Variants in CCDC34 observed in about 807,000 individuals in gnomAD.
CCDC34 encodes the protein coiled-coil domain-containing protein 34.
Under a neutral mutation model 44.1 loss-of-function variants are expected in CCDC34, and 40 were observed. The observed-to-expected ratio is 0.91, with a 90% CI of 0.70 to 1.18. The LOEUF is 1.18. Ranked by LOEUF, CCDC34 falls within the 50% of genes most tolerant of loss-of-function variation. The probability of loss-of-function intolerance (pLI) is 0.00; values close to 1 mark genes in which losing one functional copy is unlikely to be tolerated. For synonymous variants in CCDC34, 159 were observed against 158.2 expected (o/e 1.01, Z -0.04); for missense variants, 466 against 452.3 (o/e 1.03, Z -0.28).
chr11:27,350,804 T>C (rs1023918591), intron 2 of CCDC34, among the ~76,000 whole-genome samples: 2 of 152,194 alleles, frequency 1.3e-5, no homozygotes, highest in African/African-American at 4.8e-5. Context: ...TAAACAGTTA[T>C]AAGAAGCTTC....
intron 1 of CCDC34, among the ~76,000 whole-genome samples, chr11:27,358,970 C>G (rs998116964): frequency 5.1e-5 from 6 of 117,894 alleles, no homozygotes; most frequent in East Asian, 2.2e-4. Flanking sequence ...CCCCCCCCCC[C>G]ACCGCCACCA....
intron 3 of CCDC34, among the ~76,000 whole-genome samples, chr11:27,348,067 C>T (rs760441891): frequency 9.9e-5 from 15 of 152,052 alleles, no homozygotes; most frequent in Non-Finnish European, 8.8e-5. Flanking sequence ...CACGCTAGTT[C>T]TACACCACAC....
At chr11:27,343,438 C>T (rs889515609) in intron 3 of CCDC34, among the ~76,000 whole-genome samples, 2 of 152,066 alleles carry the variant, frequency 1.3e-5, no homozygotes, top group Non-Finnish European at 2.9e-5. Flanking sequence ...AAGTAATTCC[C>T]CAAGTTGTAT....
intron 3 of CCDC34, chr11:27,348,736 A>C: frequency 1.7e-6 from 1 of 576,802 alleles, no homozygotes; most frequent in Non-Finnish European, 2.2e-6. Context: ...AAGAACCAGG[A>C]GAGCAGTCTT....
intron 3 of CCDC34, chr11:27,349,142 A>G (rs1447059791): frequency 2.0e-6 from 2 of 981,258 alleles, no homozygotes; most frequent in Non-Finnish European, 2.4e-6. Flanking sequence ...AAGGACTTTT[A>G]GAGGAAAGAG....
In CCDC34 at chr11:27,341,376, A is replaced by G. The variant is rs1862355814; in HGVS notation, c.765+16T>C. ...CCAAAGTTATGTATTCTAACTGGTCACTTTAATAAAAATACCTTTTCTTTC... is the reference window on the plus strand; with the variant it reads ...CCAAAGTTATGTATTCTAACTGGTCGCTTTAATAAAAATACCTTTTCTTTC... On this transcript the variant is annotated intron_variant, in intron 4 of 5. Transcript: ENST00000328697. The G allele has an allele frequency of 1.4e-6, 2 of 1,423,374 alleles. No homozygotes were observed. Among genetic ancestry groups the G allele is most frequent in the South Asian group, 1.4e-5 (1 of 71,198 alleles). 88.2% of individuals were successfully genotyped at this position (1,423,374 alleles called of 1,614,324 possible). A position where few individuals can be genotyped will look rare whatever the true frequency, so the allele number is the denominator to read the frequency against.
At position 27,341,393 on chromosome 11, in the gene CCDC34, TTTTC is replaced by T; in HGVS notation, c.760_763del (p.Glu254ArgfsTer17). 1.4e-6 allele frequency: 2 copies of T among 1,447,086 alleles called. No individual in the cohort carries two copies. The highest frequency in any genetic ancestry group is 1.9e-6 in the Non-Finnish European group (2 of 1,068,360). 89.6% of individuals were successfully genotyped at this position (1,447,086 alleles called of 1,614,324 possible). A position where few individuals can be genotyped will look rare whatever the true frequency, so the allele number is the denominator to read the frequency against. On this transcript the variant is annotated frameshift_variant and splice_region_variant, in exon 4 of 6. Coordinates refer to ENST00000328697, the MANE Select transcript of CCDC34 (RefSeq NM_030771.2). LOFTEE classifies it high-confidence loss of function. Reference sequence around the variant, plus strand: ...AACTGGTCACTTTAATAAAAATACCTTTTCTTTCTTCTTCCTCTCACATTCTTCA... The same window carrying T: ...AACTGGTCACTTTAATAAAAATACCTTTTCTTCTTCCTCTCACATTCTTCA...
chr11:27,357,562 T>G, intron 1 of CCDC34, 21 bp from the exon 2 acceptor site: 1 of 1,607,894 alleles, frequency 6.2e-7, no homozygotes, highest in Non-Finnish European at 8.5e-7. Flanking sequence ...GAGGCTACTA[T>G]AGTACTTGTA....
intron 3 of CCDC34, chr11:27,349,498 AT>A: frequency 1.1e-6 from 1 of 896,332 alleles, no homozygotes; most frequent in South Asian, 5.1e-5. Flanking sequence ...AAAAGTTAGA[AT>A]TAAAATTTAA....
chr11:27,353,337 G>GCAC (rs1428603158), intron 2 of CCDC34, among the ~76,000 whole-genome samples: 1 of 151,246 alleles, frequency 6.6e-6, no homozygotes, highest in African/African-American at 2.4e-5. Context: ...AAAAAAGAAG[G>GCAC]CACCAGGACT....
intron 3 of CCDC34, among the ~76,000 whole-genome samples, chr11:27,341,975 A>T (rs932609659): frequency 7.2e-5 from 11 of 152,018 alleles, no homozygotes; most frequent in Non-Finnish European, 4.4e-5. Flanking sequence ...ATGGTTTTTT[A>T]AAAAAGGAGT....
At chr11:27,353,644 T>A (rs1374032021) in intron 2 of CCDC34, among the ~76,000 whole-genome samples, 1 of 152,138 alleles carries the variant, frequency 6.6e-6, no homozygotes, top group Non-Finnish European at 1.5e-5. Context: ...TTTAACTTAG[T>A]CCCACAGAGA....
intron 1 of CCDC34, among the ~76,000 whole-genome samples, chr11:27,362,050 A>G (rs1394098149): frequency 6.6e-6 from 1 of 152,154 alleles, no homozygotes; most frequent in Non-Finnish European, 1.5e-5. Flanking sequence ...GCTAATAACT[A>G]GGTGCATGCC....
chr11:27,347,804 T>C lies in CCDC34; in HGVS notation c.606+2528A>G, dbSNP rs1383854833. ...GGGTGATGGAAATGTTCTGTATCTTTAATGGTGATGGTTACATGGGTACCT... is the reference window on the plus strand; with the variant it reads ...GGGTGATGGAAATGTTCTGTATCTTCAATGGTGATGGTTACATGGGTACCT... On this transcript the variant is annotated intron_variant, in intron 3 of 5. Transcript: ENST00000328697. 2.0e-5 allele frequency among the ~76,000 whole-genome samples: 3 copies of C among 152,118 alleles called. No individual in the cohort carries two copies. The East Asian group carries it at 5.8e-4, about 29-fold the overall frequency.
At chr11:27,340,605 A>T in intron 5 of CCDC34, 91 bp downstream of exon 5, 2 of 1,282,002 alleles carry the variant, frequency 1.6e-6, no homozygotes, top group Non-Finnish European at 2.1e-6. Context: ...AAAGAAAAAT[A>T]ATTTTTACAC....
chr11:27,346,396 A>G (rs1862434010), intron 3 of CCDC34, among the ~76,000 whole-genome samples: 1 of 150,444 alleles, frequency 6.6e-6, no homozygotes, highest in African/African-American at 2.4e-5. Context: ...CTCTGACTCA[A>G]AAAAAAAGAG....
rs572430505 is a variant in CCDC34, at chr11:27,353,130, C to G, written c.499-2691G>C. Reference sequence around the variant, plus strand: ...TGGAAAACCAAAATCCAAAGAAGATCTTAAACATGCATTTTTATTTTAATA... The same window carrying G: ...TGGAAAACCAAAATCCAAAGAAGATGTTAAACATGCATTTTTATTTTAATA... On this transcript the variant is annotated intron_variant, in intron 2 of 5. Coordinates refer to ENST00000328697, the MANE Select transcript of CCDC34 (RefSeq NM_030771.2). Among the ~76,000 whole-genome samples, 13 of 152,286 alleles carry G rather than the reference C, an allele frequency of 8.5e-5. No homozygotes were observed. In the South Asian group the frequency reaches 2.7e-3, roughly 32 times the overall value.
chr11:27,341,661 C>T (rs1862360747), intron 3 of CCDC34, 111 bp from the exon 4 acceptor site: 2 of 519,826 alleles, frequency 3.8e-6, no homozygotes, highest in Non-Finnish European at 6.5e-6. Flanking sequence ...TAAAAATAGA[C>T]ATGATATCAT....
intron 2 of CCDC34, among the ~76,000 whole-genome samples, chr11:27,352,048 G>C (rs114291881): frequency 6.6e-6 from 1 of 152,148 alleles, no homozygotes; most frequent in Admixed American, 6.5e-5. Context: ...GAAGACTGAC[G>C]AAGAGTGTGC....
Sources: allele counts gnomAD v4.1 joint callset (sites outside exome capture counted in the v4.1 genomes callset), GRCh38; gene constraint gnomAD v4.1.1; transcripts MANE v1.5; gene names NCBI Gene and HGNC (gene_info 2026-07-23, HGNC 2026-07-21).